Variants in IQGAP2 observed in about 807,000 individuals in gnomAD.
The protein encoded by IQGAP2 is IQ motif containing GTPase activating protein 2, also known as ras GTPase-activating-like protein IQGAP2.
IQGAP2 carries 173 observed loss-of-function variants against 201.3 expected under a neutral mutation model. That is an observed-to-expected ratio of 0.86 (90% confidence interval 0.76 to 0.98). IQGAP2 has a LOEUF of 0.98. Ranked by LOEUF, IQGAP2 falls within the 50% of genes least tolerant of loss-of-function variation. The pLI, the probability that IQGAP2 is intolerant of heterozygous loss-of-function variation, is 0.00. For synonymous variants in IQGAP2, 675 were observed against 673.9 expected, an observed-to-expected ratio of 1.00 and a Z score of -0.03; for missense variants, 1,687 against 1,864.8, an observed-to-expected ratio of 0.90 and a Z score of 1.76.
chr5:76,658,012 A>T (rs1033688309), intron 20 of IQGAP2, among the ~76,000 whole-genome samples: 1 of 152,064 alleles, frequency 6.6e-6, no homozygotes, highest in African/African-American at 2.4e-5. Flanking sequence ...GCTCCTTCCC[A>T]AAGATCCTTT....
intron 1 of IQGAP2, among the ~76,000 whole-genome samples, chr5:76,417,434 C>T (rs192368260): frequency 4.6e-5 from 7 of 152,158 alleles, no homozygotes; most frequent in East Asian, 1.9e-4. Context: ...AGGTTACAGG[C>T]GTCTGCTACC....
intron 9 of IQGAP2, among the ~76,000 whole-genome samples, chr5:76,595,799 A>AGAGAGAGAGAGAGAGAGAG (rs749277913): frequency 1.3e-5 from 2 of 151,376 alleles, no homozygotes; most frequent in African/African-American, 4.9e-5. Context: ...AGAGAGAGAG[A>AGAGAGAGAGAGAGAGAGAG]AAACAGTGTT....
chr5:76,646,479 C>T (rs903534323), intron 17 of IQGAP2, among the ~76,000 whole-genome samples: 1 of 152,194 alleles, frequency 6.6e-6, no homozygotes, highest in Non-Finnish European at 1.5e-5. Context: ...TCCTAACCTG[C>T]ATTCTGACAA....
Sources: allele counts gnomAD v4.1 joint callset (sites outside exome capture counted in the v4.1 genomes callset), GRCh38; gene constraint gnomAD v4.1.1; transcripts MANE v1.5; gene names NCBI Gene and HGNC (gene_info 2026-07-23, HGNC 2026-07-21).